Variants in UNC13C observed in about 807,000 individuals in gnomAD.
UNC13C encodes the protein protein unc-13 homolog C.
In UNC13C, 174 loss-of-function variants were observed where a neutral mutation model predicts 245.4. That is an observed-to-expected ratio of 0.71 (90% CI 0.63 to 0.80). UNC13C has a LOEUF of 0.80. UNC13C is among the 30% of genes least tolerant of loss of function. The pLI is 0.00. For synonymous variants in UNC13C, 992 were observed against 895.1 expected (o/e 1.11, Z -1.93); for missense variants, 2,829 against 2,602.9 (o/e 1.09, Z -1.89).
At chr15:53,870,943 T>C in the UNC13C span, among the ~76,000 whole-genome samples, 1 of 151,986 alleles carries the variant, frequency 6.6e-6, no homozygotes, top group Non-Finnish European at 1.5e-5. Flanking sequence ...CCCTTGACAA[T>C]AGTGTTGGAG....
chr15:54,564,741 A>G (rs1897435865), intron 29 of UNC13C, among the ~76,000 whole-genome samples: 1 of 151,942 alleles, frequency 6.6e-6, no homozygotes, highest in Admixed American at 6.6e-5. Flanking sequence ...AAACGATCAC[A>G]CAGATCTCTT....
At chr15:54,280,847 G>C (rs1290071882) in intron 10 of UNC13C, among the ~76,000 whole-genome samples, 1 of 150,864 alleles carries the variant, frequency 6.6e-6, no homozygotes, top group Non-Finnish European at 1.5e-5. Flanking sequence ...GCCCAGGCTA[G>C]AGCACAATGG....
At chr15:54,622,857 A>G (rs1367447489) in intron 31 of UNC13C, among the ~76,000 whole-genome samples, 2 of 152,080 alleles carry the variant, frequency 1.3e-5, no homozygotes, top group African/African-American at 4.8e-5. Context: ...TGCAGGGGTA[A>G]TTTCAAAGAT....
chr15:53,839,485 G>A, the UNC13C span, among the ~76,000 whole-genome samples: 11 of 151,984 alleles, frequency 7.2e-5, no homozygotes, highest in South Asian at 1.5e-3. Flanking sequence ...AATGCTTTTG[G>A]TCTTAAAGAT....
intron 19 of UNC13C, among the ~76,000 whole-genome samples, chr15:54,441,969 T>A (rs1315332739): frequency 6.6e-6 from 1 of 152,046 alleles, no homozygotes. Context: ...TCTTTCTTTT[T>A]AAACTAGTTC....
chr15:54,011,953 G>A, intron 1 of UNC13C, among the ~76,000 whole-genome samples: 1 of 152,122 alleles, frequency 6.6e-6, no homozygotes, highest in African/African-American at 2.4e-5. Flanking sequence ...AACACATACT[G>A]GAATACCAAC....
chr15:54,106,535 T>C (rs1257147576), intron 2 of UNC13C, among the ~76,000 whole-genome samples: 1 of 152,218 alleles, frequency 6.6e-6, no homozygotes, highest in Admixed American at 6.5e-5. Flanking sequence ...TTCATACACA[T>C]CCTTGTTCTC....
intron 17 of UNC13C, among the ~76,000 whole-genome samples, chr15:54,382,357 G>A (rs985270220): frequency 3.9e-5 from 6 of 152,146 alleles, no homozygotes; most frequent in African/African-American, 1.4e-4. Context: ...GGGAGGCAGA[G>A]GCAGGCAGAT....
rs150965640 is a variant in UNC13C at position 54,510,024 on chromosome 15, C to A, written c.5380-1729C>A. Among the ~76,000 whole-genome samples the A allele has an allele frequency of 3.9e-3, 601 of 152,252 alleles. 7 individuals are homozygous for A. The highest frequency in any genetic ancestry group is 0.014 in the African/African-American group (564 of 41,550). ...GTAGCTCTTTTTCATCAGAAATCAT[C>A]ATAGTAAGAAGAGTTGGCAGTTGAC... On this transcript the variant is annotated intron_variant, in intron 23 of 32. Transcript: ENST00000260323.
chr15:53,910,097 G>A, the UNC13C span, among the ~76,000 whole-genome samples: 16 of 143,550 alleles, frequency 1.1e-4, 2 homozygotes, highest in Non-Finnish European at 2.3e-4. Context: ...CTGTGGTATG[G>A]AGCTCTGCTT....
Position 54,300,299 on chromosome 15 carries a change from T to C in UNC13C, c.4194T>C (p.Phe1398=), listed in dbSNP as rs376893387. Reference sequence around the variant, plus strand: ...GGGATGAAGCCTGGAAGGTTTTCTTTGATGATGCTTCCCAAGAAATAGTTG... The same window carrying C: ...GGGATGAAGCCTGGAAGGTTTTCTTCGATGATGCTTCCCAAGAAATAGTTG... ...VKGDEAWKVF[F]DDASQEIVDE... The change falls in exon 13 of 33, where the codon TTT becomes TTC. Residue 1398 remains phenylalanine (F), a synonymous_variant. Coordinates refer to ENST00000260323, the MANE Select transcript of UNC13C (RefSeq NM_001080534.3). The C allele has an allele frequency of 2.4e-4, 384 of 1,590,318 alleles. No homozygotes were observed. Among genetic ancestry groups the C allele is most frequent in the Non-Finnish European group, 3.3e-4 (380 of 1,167,270 alleles).
chr15:54,280,816 GT>G (rs2036975336), intron 10 of UNC13C, among the ~76,000 whole-genome samples: 1 of 148,772 alleles, frequency 6.7e-6, no homozygotes, highest in East Asian at 2.0e-4. Flanking sequence ...TAAAAAAATT[GT>G]GACAGAGTCT....
At chr15:54,185,842 T>C (rs2033962236) in intron 4 of UNC13C, among the ~76,000 whole-genome samples, 1 of 151,104 alleles carries the variant, frequency 6.6e-6, no homozygotes, top group Non-Finnish European at 1.5e-5. Context: ...TGGCATTGAA[T>C]CTATAAATTA....
chr15:53,971,859 G>A, the UNC13C span, among the ~76,000 whole-genome samples: 1 of 152,114 alleles, frequency 6.6e-6, no homozygotes, highest in Non-Finnish European at 1.5e-5. Context: ...AGGAACAGCT[G>A]ATACTGTCAA....
intron 17 of UNC13C, among the ~76,000 whole-genome samples, chr15:54,388,371 G>C (rs1488669878): frequency 6.6e-6 from 1 of 152,086 alleles, no homozygotes; most frequent in African/African-American, 2.4e-5. Context: ...TAATAGTCCA[G>C]CGTAGTGTCA....
chr15:53,860,893 G>A, the UNC13C span, among the ~76,000 whole-genome samples: 5 of 152,136 alleles, frequency 3.3e-5, no homozygotes, highest in Non-Finnish European at 7.4e-5. Context: ...TAAATGTTGT[G>A]ATCAACTGAA....
At chr15:54,520,478 AG>A (rs1438392704) in intron 24 of UNC13C, among the ~76,000 whole-genome samples, 1 of 152,188 alleles carries the variant, frequency 6.6e-6, no homozygotes, top group Non-Finnish European at 1.5e-5. Context: ...CATGCTGTTA[AG>A]AATGTTGATA....
chr15:54,144,291 C>A (rs1181806237), intron 4 of UNC13C, among the ~76,000 whole-genome samples: 1 of 151,208 alleles, frequency 6.6e-6, no homozygotes, highest in Admixed American at 6.6e-5. Flanking sequence ...GTTTGCAATA[C>A]GTATCTGTGT....
the UNC13C span, among the ~76,000 whole-genome samples, chr15:53,910,188 C>T: frequency 6.9e-6 from 1 of 145,104 alleles, no homozygotes; most frequent in African/African-American, 2.5e-5. Flanking sequence ...GGCCTGAACT[C>T]TGCCAAACAT....
Sources: gnomAD v4.1 joint callset for allele counts (sites outside exome capture counted in the v4.1 genomes callset) on GRCh38, gnomAD v4.1.1 for gene constraint, MANE v1.5 for transcripts, NCBI Gene and HGNC (gene_info 2026-07-23, HGNC 2026-07-21) for gene names.